Variants in UNC80 observed in about 807,000 individuals in gnomAD.
The protein encoded by UNC80 is protein unc-80 homolog.
Under a neutral mutation model 384.6 loss-of-function variants are expected in UNC80, and 164 were observed. The observed-to-expected ratio is 0.43, with a 90% CI of 0.38 to 0.49. UNC80 has a LOEUF of 0.49. UNC80 is among the 20% of genes least tolerant of loss of function. UNC80 has a pLI of 0.00. For missense variants in UNC80, 3,330 were observed against 4,143.0 expected (o/e 0.80, Z 5.39); for synonymous variants, 1,486 against 1,527.8 (o/e 0.97, Z 0.64).
Position 209,872,902 on chromosome 2 carries a change from A to G in UNC80, c.3772A>G (p.Ile1258Val), listed in dbSNP as rs965519067. 12 of 1,551,466 alleles carry G rather than the reference A, an allele frequency of 7.7e-6. No homozygotes were observed. Among genetic ancestry groups the G allele is most frequent in the Middle Eastern group, 1.7e-4 (1 of 6,014 alleles). Residue 1258 changes from isoleucine to valine, a missense_variant, in exon 23 of 65, where the codon ATT (isoleucine) becomes GTT (valine). Physicochemically the swap from Ile to Val is conservative, Grantham distance 29. Coordinates refer to ENST00000673920, the MANE Select transcript of UNC80 (RefSeq NM_001371986.1). This position sits in a 1 kb window ranked among gnomAD's most constrained non-coding sequence, Gnocchi z 4.1. ...AGGACTTTCCCGGGGACGCTCTCCC[A>G]TTGTGGGCAACAAGCGAAACCAGAA... ...KKGLSRGRSP[I>V]VGNKRNQKLQ...
intron 49 of UNC80, among the ~76,000 whole-genome samples, chr2:209,958,208 CTTG>C (rs1208422084): frequency 6.6e-6 from 1 of 152,242 alleles, no homozygotes; most frequent in East Asian, 1.9e-4. Context: ...ATCTCCTTCT[CTTG>C]TTGTGGTGTA....
At chr2:209,826,874 T>G (rs746198606) in intron 14 of UNC80, among the ~76,000 whole-genome samples, 2 of 152,120 alleles carry the variant, frequency 1.3e-5, no homozygotes, top group African/African-American at 2.4e-5. Flanking sequence ...TGACAGAGTT[T>G]TAGGGTCATG....
chr2:209,834,253 G>A (rs1559167097), intron 17 of UNC80, 85 bp downstream of exon 17: 4 of 1,415,110 alleles, frequency 2.8e-6, no homozygotes, highest in South Asian at 1.4e-5. Context: ...TGGTTCCTGT[G>A]CTGAAATGTC....
At chr2:209,838,947 T>A (rs1253687070) in intron 18 of UNC80, among the ~76,000 whole-genome samples, 2 of 152,142 alleles carry the variant, frequency 1.3e-5, no homozygotes, top group African/African-American at 2.4e-5. Flanking sequence ...CACCTGCAGA[T>A]GAATACCTGC....
intron 26 of UNC80, among the ~76,000 whole-genome samples, chr2:209,892,171 A>G (rs2124912888): frequency 6.6e-6 from 1 of 152,254 alleles, no homozygotes; most frequent in South Asian, 2.1e-4. Flanking sequence ...GAGTAGAGGG[A>G]AAGGTGAAGC....
chr2:209,788,357 C>T (rs967150580), intron 5 of UNC80, among the ~76,000 whole-genome samples: 18 of 149,910 alleles, frequency 1.2e-4, no homozygotes, highest in Admixed American at 2.7e-4. Context: ...GTGGAGGTTG[C>T]GGTGAGCAGA....
chr2:209,777,198 A>T, intron 3 of UNC80, 60 bp from the exon 4 acceptor site: 1 of 1,486,850 alleles, frequency 6.7e-7, no homozygotes. Context: ...CCCATTGTTG[A>T]CATCTATTGC....
At chr2:209,830,823 C>G (rs956222279) in intron 15 of UNC80, among the ~76,000 whole-genome samples, 5 of 152,138 alleles carry the variant, frequency 3.3e-5, no homozygotes, top group African/African-American at 1.2e-4. Flanking sequence ...GGAGGTGGCT[C>G]TGAGGAAGAG....
rs2091476903 is a variant in UNC80, at chr2:209,939,472, G to A, written c.6466G>A (p.Val2156Met). 2 of 1,548,260 alleles carry A rather than the reference G, an allele frequency of 1.3e-6. No homozygotes were observed. The highest frequency in any genetic ancestry group is 1.7e-4 in the Middle Eastern group (1 of 5,964). The change falls in exon 43 of 65, where the codon GTG becomes ATG. Residue 2156 changes from valine (V) to methionine (M), a missense_variant and splice_region_variant. By Grantham distance (21) the Val-to-Met change is conservative. Around this residue, in one of 8 missense-constraint regions of UNC80, gnomAD observed 1,049 missense variants for 1,488.6 expected, o/e 0.70. Coordinates refer to ENST00000673920, the MANE Select transcript of UNC80 (RefSeq NM_001371986.1). ...CTGCTCCTGCTTTTGTTTTCTCCAG[G>A]TGTTCACCCGAAAGCTGGAAGAAGT... ...EKGQELIQKQVFTRKLEEVGR... is the reference protein window; with the variant it reads ...EKGQELIQKQMFTRKLEEVGR...
chr2:209,970,284 A>G (rs1201613685), intron 53 of UNC80: 1 of 197,292 alleles, frequency 5.1e-6, no homozygotes, highest in Non-Finnish European at 1.0e-5. Context: ...AAATGACACT[A>G]TGAGTTGGCC....
intron 56 of UNC80, among the ~76,000 whole-genome samples, chr2:209,975,452 T>C (rs754593108): frequency 6.6e-6 from 1 of 152,190 alleles, no homozygotes; most frequent in Non-Finnish European, 1.5e-5. Context: ...GAAAGAGATA[T>C]GGACAAATAA....
chr2:209,833,294 A>G (rs1049402154), intron 16 of UNC80, among the ~76,000 whole-genome samples: 43 of 152,066 alleles, frequency 2.8e-4, no homozygotes, highest in Middle Eastern at 3.4e-3. Flanking sequence ...AAAAAAAAAA[A>G]AATACAGTAA....
In UNC80 at chr2:209,775,981, G is replaced by A. The variant is rs566697378; in HGVS notation, c.234G>A (p.Val78=). ...AIQSISRWEL[V]QAALPHVLHC... ...AGAGCATTTCCAGATGGGAACTGGT[G>A]CAAGCTGCTTTGCCTCATGTCCTCC... is the stretch of plus-strand genomic sequence containing the variant. The change falls in exon 3 of 65, where the codon GTG becomes GTA. Residue 78 remains valine, a synonymous_variant. Transcript: ENST00000673920. 4 of 1,614,166 alleles carry A rather than the reference G, an allele frequency of 2.5e-6. No individual in the cohort carries two copies. The highest frequency in any genetic ancestry group is 2.2e-5 in the East Asian group (1 of 44,882).
intron 26 of UNC80, among the ~76,000 whole-genome samples, chr2:209,888,902 A>G (rs1395865765): frequency 2.0e-5 from 3 of 152,212 alleles, no homozygotes; most frequent in Non-Finnish European, 1.5e-5. Flanking sequence ...TATTCGCACG[A>G]AATTCTTGGG....
chr2:209,854,990 T>C (rs1360184138), intron 22 of UNC80, among the ~76,000 whole-genome samples: 1 of 152,204 alleles, frequency 6.6e-6, no homozygotes, highest in Non-Finnish European at 1.5e-5. Context: ...TAAAAACACA[T>C]GCACACGTAT....
chr2:209,993,171 A>G (rs572115782), intron 62 of UNC80, 144 bp from the exon 63 acceptor site: 5 of 593,488 alleles, frequency 8.4e-6, no homozygotes, highest in Non-Finnish European at 1.4e-5. Flanking sequence ...GAAAATACTT[A>G]TAGTTAAATA....
intron 7 of UNC80, among the ~76,000 whole-genome samples, 180 bp from the exon 8 acceptor site, chr2:209,813,400 G>C (rs868665089): frequency 5.9e-5 from 9 of 152,140 alleles, no homozygotes; most frequent in Non-Finnish European, 1.3e-4. Context: ...CTACTTTCAG[G>C]AGATGTTTAG....
intron 25 of UNC80, among the ~76,000 whole-genome samples, chr2:209,884,202 G>T (rs768079335): frequency 1.3e-5 from 2 of 152,140 alleles, no homozygotes; most frequent in Non-Finnish European, 2.9e-5. Flanking sequence ...ACAAAATTTT[G>T]TTTATAAAAC....
chr2:209,788,155 G>T (rs770321256), intron 5 of UNC80, among the ~76,000 whole-genome samples: 1 of 152,166 alleles, frequency 6.6e-6, no homozygotes, highest in South Asian at 2.1e-4. Context: ...GGTGGCTCAC[G>T]CCTGTAATCC....
Sources: allele counts gnomAD v4.1 joint callset (sites outside exome capture counted in the v4.1 genomes callset), GRCh38; gene constraint gnomAD v4.1.1; regional missense constraint gnomAD v4.1.1; non-coding constraint Gnocchi (gnomAD v3.1); transcripts MANE v1.5; gene names NCBI Gene and HGNC (gene_info 2026-07-23, HGNC 2026-07-21).